The following DPF3 variants were observed in gnomAD, a reference collection of about 807,000 sequenced individuals.
DPF3 encodes zinc finger protein DPF3.
In DPF3, 18 loss-of-function variants were observed where a neutral mutation model predicts 56.8. The ratio of observed to expected loss-of-function variants is 0.32; its 90% CI spans 0.22 to 0.47. DPF3 has a LOEUF of 0.47. Ranked by LOEUF, DPF3 falls within the 20% of genes least tolerant of loss-of-function variation. DPF3 has a pLI of 1.00. For missense variants in DPF3, 403 were observed against 488.8 expected (o/e 0.82, Z 1.65); for synonymous variants, 188 against 180.2 (o/e 1.04, Z -0.35).
chr14:72,787,645 A>G (rs1174946987), intron 1 of DPF3, among the ~76,000 whole-genome samples: 1 of 152,204 alleles, frequency 6.6e-6, no homozygotes, highest in Non-Finnish European at 1.5e-5. Flanking sequence ...TGATTATTAC[A>G]CTTTTCCCTC....
intron 6 of DPF3, among the ~76,000 whole-genome samples, chr14:72,710,561 A>G (rs867963439): frequency 9.2e-5 from 14 of 152,348 alleles, no homozygotes; most frequent in Middle Eastern, 3.4e-3. Context: ...AATCCCCTGA[A>G]GAGCGCTCAG....
At chr14:72,757,641 A>T (rs1890892305) in intron 2 of DPF3, among the ~76,000 whole-genome samples, 1 of 152,212 alleles carries the variant, frequency 6.6e-6, no homozygotes, top group African/African-American at 2.4e-5. Context: ...ACAATTTAAA[A>T]AAATACAATA....
intron 8 of DPF3, among the ~76,000 whole-genome samples, chr14:72,635,065 T>C (rs948893312): frequency 2.0e-5 from 3 of 152,154 alleles, no homozygotes; most frequent in African/African-American, 7.2e-5. Flanking sequence ...CCATTCCTGA[T>C]TCAGCCCTAA....
rs939103249 is a variant in DPF3 at position 72,732,601 on chromosome 14, C to G, written c.302-667G>C. ...AAGCCCCGGATGAGCAGAGTGGCCA[C>G]TGCACAGCCACGCCACGACCTTTTT... On this transcript the variant is annotated intron_variant, in intron 3 of 10. Transcript: ENST00000556509. Among the ~76,000 whole-genome samples, 3 of 152,332 alleles carry G rather than the reference C, an allele frequency of 2.0e-5. No individual in the cohort carries two copies. The South Asian group carries it at 6.2e-4, about 32-fold the overall frequency.
Position 72,765,685 on chromosome 14 carries a change from C to T in DPF3, c.193+6048G>A, listed in dbSNP as rs546144039. Among the ~76,000 whole-genome samples the T allele has an allele frequency of 7.8e-4, 119 of 152,336 alleles. 3 individuals carry two copies. In the South Asian group the frequency reaches 0.024, roughly 30 times the overall value. On this transcript the variant is annotated intron_variant, in intron 2 of 10. Coordinates refer to ENST00000556509, the MANE Select transcript of DPF3 (RefSeq NM_001280542.3). ...TACACAGGCCGGGTGCGGTGGCTCA[C>T]GCCTGTAATCCCAGAACTTTGGGAG...
rs973553461 is a variant in DPF3, at chr14:72,874,473, C to T, written c.32+19584G>A. On this transcript the variant is annotated intron_variant, in intron 1 of 10. Transcript: ENST00000556509. Reference sequence around the variant, plus strand: ...CAGCCTAGGCAACAGAGCAAGACTCCGTCTCCAAAAAAAAAAAAGAAAAAG... The same window carrying T: ...CAGCCTAGGCAACAGAGCAAGACTCTGTCTCCAAAAAAAAAAAAGAAAAAG... 4.6e-5 allele frequency among the ~76,000 whole-genome samples: 7 copies of T among 150,856 alleles called. 1 individual carries two copies. Among genetic ancestry groups the T allele is most frequent in the African/African-American group, 1.7e-4 (7 of 41,028 alleles).
chr14:72,690,063 A>G (rs990780658), intron 7 of DPF3, among the ~76,000 whole-genome samples: 1 of 152,166 alleles, frequency 6.6e-6, no homozygotes, highest in Non-Finnish European at 1.5e-5. Flanking sequence ...CTTTCTCATC[A>G]GCAGGGTGAG....
At chr14:72,724,664 G>A (rs976972644) in intron 4 of DPF3, among the ~76,000 whole-genome samples, 2 of 151,644 alleles carry the variant, frequency 1.3e-5, no homozygotes, top group African/African-American at 2.4e-5. Flanking sequence ...GAAGGGGCAT[G>A]GAGCTCACTG....
At chr14:72,672,029 CCACACACACACA>C (rs368797206) in intron 8 of DPF3, among the ~76,000 whole-genome samples, 65 of 145,738 alleles carry the variant, frequency 4.5e-4, no homozygotes, top group African/African-American at 1.4e-3. Flanking sequence ...CGTGTGCACA[CCACACACACACA>C]CACACACACA....
At chr14:72,674,210 G>C in intron 8 of DPF3, 30 bp downstream of exon 8, 1 of 1,603,454 alleles carries the variant, frequency 6.2e-7, no homozygotes, top group Non-Finnish European at 8.5e-7. Flanking sequence ...TGGTCTACGG[G>C]CACCCGGTGT....
At position 72,840,052 on chromosome 14, in the gene DPF3, A is replaced by C. The variant is rs144313231; in HGVS notation, c.32+54005T>G. On this transcript the variant is annotated intron_variant, in intron 1 of 10. Coordinates refer to ENST00000556509, the MANE Select transcript of DPF3 (RefSeq NM_001280542.3). ...TCATCCATAAAATAGGGATAAAAAT[A>C]CCTGACCTTGAAAAATTATACGAAT... 9.6e-3 allele frequency among the ~76,000 whole-genome samples: 1,464 copies of C among 152,324 alleles called. 29 individuals are homozygous for C. Among genetic ancestry groups the C allele is most frequent in the African/African-American group, 0.033 (1,380 of 41,572 alleles).
intron 1 of DPF3, among the ~76,000 whole-genome samples, chr14:72,842,102 A>C (rs1363912006): frequency 6.6e-6 from 1 of 151,702 alleles, no homozygotes; most frequent in African/African-American, 2.4e-5. Context: ...AAAAAAAAAA[A>C]AAAACCTCAA....
At chr14:72,836,037 G>A (rs1209786198) in intron 1 of DPF3, 3 of 985,296 alleles carry the variant, frequency 3.0e-6, no homozygotes, top group East Asian at 1.1e-4. Flanking sequence ...CGGGTGCCTC[G>A]GGGAGATGCT....
chr14:72,790,423 C>G (rs1464333416), intron 1 of DPF3, among the ~76,000 whole-genome samples: 1 of 151,982 alleles, frequency 6.6e-6, no homozygotes, highest in Non-Finnish European at 1.5e-5. Flanking sequence ...GTCTGATGTC[C>G]CCACTGAGCA....
intron 1 of DPF3, among the ~76,000 whole-genome samples, chr14:72,812,751 G>A (rs900906125): frequency 2.0e-5 from 3 of 152,182 alleles, no homozygotes; most frequent in African/African-American, 4.8e-5. Flanking sequence ...TGTGCAATGC[G>A]TCCGGGAGGC....
chr14:72,649,516 A>G (rs1400925928), intron 8 of DPF3, among the ~76,000 whole-genome samples: 1 of 152,198 alleles, frequency 6.6e-6, no homozygotes, highest in African/African-American at 2.4e-5. Context: ...CAGGATACAG[A>G]GAAGAAGGGG....
intron 1 of DPF3, among the ~76,000 whole-genome samples, chr14:72,841,892 G>A (rs1310416527): frequency 6.6e-6 from 1 of 152,028 alleles, no homozygotes; most frequent in Non-Finnish European, 1.5e-5. Flanking sequence ...AGACCAGCCT[G>A]GAAAATATCA....
chr14:72,870,408 A>G (rs1377912085), intron 1 of DPF3, among the ~76,000 whole-genome samples: 4 of 152,238 alleles, frequency 2.6e-5, no homozygotes, highest in African/African-American at 9.6e-5. Context: ...TTGTGGGCTG[A>G]GTCCAGTCAC....
intron 2 of DPF3, among the ~76,000 whole-genome samples, chr14:72,758,027 G>A (rs745388170): frequency 2.0e-5 from 3 of 152,000 alleles, no homozygotes; most frequent in Non-Finnish European, 4.4e-5. Context: ...AGAGAAGGAC[G>A]AAGAGGAAAT....
Sources: allele counts gnomAD v4.1 joint callset (sites outside exome capture counted in the v4.1 genomes callset), GRCh38; gene constraint gnomAD v4.1.1; transcripts MANE v1.5; gene names NCBI Gene and HGNC (gene_info 2026-07-23, HGNC 2026-07-21).